PCDH15: variants seen among roughly 807,000 people sequenced by gnomAD.
PCDH15 encodes the protein protocadherin-15.
In PCDH15, 129 loss-of-function variants were observed where a neutral mutation model predicts 178.5. That is an observed-to-expected ratio of 0.72 (90% confidence interval 0.63 to 0.84). The LOEUF (loss-of-function observed/expected upper bound fraction) is 0.84. Ranked by LOEUF, PCDH15 falls within the 40% of genes least tolerant of loss-of-function variation. The probability of loss-of-function intolerance (pLI) is 0.00; values close to 1 mark genes in which losing one functional copy is unlikely to be tolerated. For missense variants in PCDH15, 2,230 were observed against 2,099.9 expected (o/e 1.06, Z -1.21); for synonymous variants, 800 against 732.0 (o/e 1.09, Z -1.50).
intron 6 of PCDH15, among the ~76,000 whole-genome samples, chr10:54,344,882 G>A (rs147175326): frequency 0.019 from 1,046 of 55,964 alleles, 26 homozygotes; most frequent in African/African-American, 0.061. Flanking sequence ...CTAAAAAAAA[G>A]TCCTCTTTTA....
chr10:55,353,688 G>C (rs1845001465), intron 2 of PCDH15, among the ~76,000 whole-genome samples: 1 of 151,958 alleles, frequency 6.6e-6, no homozygotes, highest in Admixed American at 6.6e-5. Flanking sequence ...ACCTGACTGA[G>C]TCTTGTTTCA....
intron 1 of PCDH15, among the ~76,000 whole-genome samples, chr10:54,735,324 T>C (rs1943955507): frequency 1.3e-5 from 2 of 152,098 alleles, no homozygotes. Flanking sequence ...CCATTCTAAC[T>C]GGTGTGAGAT....
In PCDH15 at chr10:54,982,117, C is replaced by T. The variant is rs1839249306; in HGVS notation, c.-79-84617G>A. Among the ~76,000 whole-genome samples, 3 of 151,790 alleles carry T rather than the reference C, an allele frequency of 2.0e-5. No homozygotes were observed. In the South Asian group the frequency reaches 6.2e-4, roughly 32 times the overall value. On this transcript the variant is annotated intron_variant, in intron 2 of 5. Transcript: ENST00000458638. ...GATGATCTTATCCTTACTTCAGAGC[C>T]GTTCAAAAAACAAAGCTGTTATAAA...
intron 1 of PCDH15, among the ~76,000 whole-genome samples, chr10:55,194,151 C>T (rs992910596): frequency 9.9e-5 from 15 of 151,952 alleles, no homozygotes; most frequent in Admixed American, 5.2e-4. Flanking sequence ...GCATGTTGGT[C>T]AAGAACTTAC....
chr10:54,426,596 C>A (rs1210240287), intron 3 of PCDH15, among the ~76,000 whole-genome samples: 1 of 151,976 alleles, frequency 6.6e-6, no homozygotes, highest in Non-Finnish European at 1.5e-5. Flanking sequence ...TTGCACACGT[C>A]TCTCATGGCC....
intron 2 of PCDH15, among the ~76,000 whole-genome samples, chr10:55,598,448 A>G (rs1842980422): frequency 2.0e-5 from 3 of 147,844 alleles, no homozygotes; most frequent in Non-Finnish European, 1.5e-5. Context: ...TATAATTGAT[A>G]AACCCCGATA....
intron 2 of PCDH15, among the ~76,000 whole-genome samples, chr10:55,390,838 T>C (rs1454630116): frequency 6.6e-6 from 1 of 152,186 alleles, no homozygotes; most frequent in Non-Finnish European, 1.5e-5. Context: ...TCTCAACCCT[T>C]AAGCTTAAAA....
Position 54,022,997 on chromosome 10 carries a change from G to C in PCDH15, c.2421C>G (p.Ile807Met), listed in dbSNP as rs1196403981. Residue 807 changes from isoleucine (I) to methionine (M), a missense_variant, in exon 19 of 38, where the codon ATC becomes ATG. By Grantham distance (10) the Ile-to-Met change is conservative (BLOSUM62 1). Transcript: ENST00000644397. ...TGTTATCATCAATGTCCAAAACCTT[G>C]ATGGCCAAGGTTAGAGTTGAATGAC... ...HPRHSTLTLA[I>M]KVLDIDDNSP... 3.7e-6 allele frequency: 6 copies of C among 1,613,944 alleles called. No individual in the cohort carries two copies. Among genetic ancestry groups the C allele is most frequent in the Middle Eastern group, 1.6e-4 (1 of 6,062 alleles).
chr10:54,088,454 T>C (rs1479932782), intron 16 of PCDH15, among the ~76,000 whole-genome samples: 1 of 152,186 alleles, frequency 6.6e-6, no homozygotes, highest in African/African-American at 2.4e-5. Flanking sequence ...TTGAGACATG[T>C]TTCACACCAT....
At chr10:54,072,504 T>C (rs997002780) in intron 17 of PCDH15, among the ~76,000 whole-genome samples, 8 of 152,094 alleles carry the variant, frequency 5.3e-5, no homozygotes, top group African/African-American at 1.9e-4. Context: ...AAAAGGGAAG[T>C]TCCTTCTATT....
chr10:53,970,438 G>T (rs2089554164), intron 21 of PCDH15, among the ~76,000 whole-genome samples: 1 of 151,876 alleles, frequency 6.6e-6, no homozygotes, highest in African/African-American at 2.4e-5. Context: ...CAGGTCTTCA[G>T]AGCAGAACTG....
At chr10:55,098,392 T>C (rs1358200703) in intron 2 of PCDH15, among the ~76,000 whole-genome samples, 2 of 152,098 alleles carry the variant, frequency 1.3e-5, no homozygotes, top group African/African-American at 4.8e-5. Context: ...TTGGTAAGGT[T>C]TTCCTTTTAA....
chr10:54,151,406 T>C (rs1012843078), intron 14 of PCDH15, among the ~76,000 whole-genome samples: 5 of 152,044 alleles, frequency 3.3e-5, no homozygotes, highest in African/African-American at 1.2e-4. Flanking sequence ...CTAGGATTGG[T>C]GGCCTGAACC....
intron 3 of PCDH15, among the ~76,000 whole-genome samples, chr10:54,398,975 C>G (rs1951589811): frequency 6.6e-6 from 1 of 152,126 alleles, no homozygotes; most frequent in African/African-American, 2.4e-5. Context: ...ACAGTATGTT[C>G]TGCCACAGTA....
At chr10:55,241,482 T>G (rs1841540333) in intron 1 of PCDH15, among the ~76,000 whole-genome samples, 1 of 152,106 alleles carries the variant, frequency 6.6e-6, no homozygotes, top group African/African-American at 2.4e-5. Context: ...TGCAGTGGTG[T>G]AAATGCAGCT....
At chr10:54,930,448 T>A (rs1837744526) in intron 2 of PCDH15, among the ~76,000 whole-genome samples, 1 of 152,168 alleles carries the variant, frequency 6.6e-6, no homozygotes, top group African/African-American at 2.4e-5. Context: ...CCACTTATTG[T>A]GTGTTTGCAT....
chr10:54,851,659 A>G (rs1339608822), intron 3 of PCDH15, among the ~76,000 whole-genome samples: 1 of 152,104 alleles, frequency 6.6e-6, no homozygotes, highest in East Asian at 1.9e-4. Flanking sequence ...CAGTGGCATG[A>G]CCTCGGCTCA....
intron 1 of PCDH15, among the ~76,000 whole-genome samples, chr10:55,297,625 C>T (rs1843166219): frequency 6.6e-6 from 1 of 151,908 alleles, no homozygotes; most frequent in South Asian, 2.1e-4. Flanking sequence ...ATTTATATGA[C>T]TTTAAATGAT....
At chr10:55,307,837 T>C (rs1040647715) in intron 1 of PCDH15, among the ~76,000 whole-genome samples, 1 of 152,000 alleles carries the variant, frequency 6.6e-6, no homozygotes, top group Non-Finnish European at 1.5e-5. Context: ...ATTTTTGATT[T>C]TATAAATATT....
Sources: allele counts gnomAD v4.1 joint callset (sites outside exome capture counted in the v4.1 genomes callset), GRCh38; gene constraint gnomAD v4.1.1; transcripts MANE v1.5; gene names NCBI Gene and HGNC (gene_info 2026-07-23, HGNC 2026-07-21).